The following CHRM3 variants were observed in gnomAD, a reference collection of about 807,000 sequenced individuals.
The protein encoded by CHRM3 is cholinergic receptor muscarinic 3, also known as muscarinic acetylcholine receptor M3.
In CHRM3, 11 loss-of-function variants were observed where a neutral mutation model predicts 41.8. The ratio of observed to expected loss-of-function variants is 0.26; its 90% CI spans 0.17 to 0.44. CHRM3 has a LOEUF of 0.44. Among genes scored for constraint, CHRM3 ranks in the 20% least tolerant of loss-of-function variants. The pLI is 1.00. For synonymous variants in CHRM3, 297 were observed against 301.4 expected (o/e 0.99, Z 0.15); for missense variants, 571 against 745.4 (o/e 0.77, Z 2.72).
At chr1:239,494,269 G>A (rs976091257) in intron 2 of CHRM3, among the ~76,000 whole-genome samples, 8 of 152,070 alleles carry the variant, frequency 5.3e-5, no homozygotes, top group Non-Finnish European at 1.2e-4. Flanking sequence ...AGCAGCTAGG[G>A]ATGGCTTTCA....
At chr1:239,573,985 T>C (rs1055582047) in intron 3 of CHRM3, among the ~76,000 whole-genome samples, 2 of 152,110 alleles carry the variant, frequency 1.3e-5, no homozygotes, top group African/African-American at 4.8e-5. Context: ...TCTGGTCTCT[T>C]GTCTCCTGAT....
chr1:239,860,976 TA>T (rs1285977501), intron 6 of CHRM3, among the ~76,000 whole-genome samples: 2 of 152,084 alleles, frequency 1.3e-5, no homozygotes, highest in Non-Finnish European at 2.9e-5. Flanking sequence ...ATTTAGAGGG[TA>T]AAAAAATTAA....
At chr1:239,645,852 G>A (rs1050043429) in intron 4 of CHRM3, among the ~76,000 whole-genome samples, 1 of 152,190 alleles carries the variant, frequency 6.6e-6, no homozygotes, top group Non-Finnish European at 1.5e-5. Context: ...AAGTTTGTAG[G>A]TGGTACTTTT....
intron 3 of CHRM3, among the ~76,000 whole-genome samples, chr1:239,617,025 T>C (rs1667705954): frequency 6.6e-6 from 1 of 152,012 alleles, no homozygotes; most frequent in Non-Finnish European, 1.5e-5. Context: ...TAATTTTGTT[T>C]CTTTCTGTAC....
intron 6 of CHRM3, among the ~76,000 whole-genome samples, chr1:239,895,756 G>T (rs1406850083): frequency 6.6e-6 from 1 of 152,172 alleles, no homozygotes; most frequent in Non-Finnish European, 1.5e-5. Flanking sequence ...TTATAAGTGG[G>T]AGCTGAGCAT....
rs146319477 is a variant in CHRM3 at position 239,766,298 on chromosome 1, C to T, written c.-146-60954C>T. On this transcript the variant is annotated intron_variant, in intron 5 of 6. Transcript: ENST00000676153. Reference sequence around the variant, plus strand: ...AAAACAAGAAGAAAAGCAGTCCATGCATCACAGTGCATTGTCACCAAGACT... The same window carrying T: ...AAAACAAGAAGAAAAGCAGTCCATGTATCACAGTGCATTGTCACCAAGACT... 3.4e-4 allele frequency among the ~76,000 whole-genome samples: 51 copies of T among 152,222 alleles called. No homozygotes were observed. The East Asian group carries it at 9.1e-3, about 27-fold the overall frequency.
intron 3 of CHRM3, among the ~76,000 whole-genome samples, chr1:239,609,256 CT>C (rs1666718059): frequency 6.6e-6 from 1 of 152,132 alleles, no homozygotes; most frequent in Non-Finnish European, 1.5e-5. Context: ...AAACTGTACT[CT>C]TTTTTGATCT....
intron 1 of CHRM3, among the ~76,000 whole-genome samples, chr1:239,421,235 T>G (rs1661931718): frequency 6.6e-6 from 1 of 152,206 alleles, no homozygotes; most frequent in Non-Finnish European, 1.5e-5. Context: ...AAAAAATTCT[T>G]TCTGATTTTA....
intron 3 of CHRM3, among the ~76,000 whole-genome samples, chr1:239,616,160 A>G (rs1361121058): frequency 2.0e-5 from 3 of 152,238 alleles, no homozygotes; most frequent in African/African-American, 7.2e-5. Context: ...GTTGAACTAT[A>G]CGAAATTGCT....
intron 5 of CHRM3, among the ~76,000 whole-genome samples, chr1:239,766,520 TTAAAA>T (rs1406516100): frequency 1.3e-5 from 2 of 152,142 alleles, no homozygotes; most frequent in Non-Finnish European, 1.5e-5. Context: ...ATCCCTGAAC[TTAAAA>T]TAAAAGCCCC....
At chr1:239,527,204 A>T (rs1006015412) in intron 2 of CHRM3, among the ~76,000 whole-genome samples, 2 of 152,172 alleles carry the variant, frequency 1.3e-5, no homozygotes, top group Non-Finnish European at 2.9e-5. Context: ...CCTACAAAAC[A>T]GTTACTGTAT....
intron 6 of CHRM3, among the ~76,000 whole-genome samples, chr1:239,867,417 G>T (rs932553945): frequency 1.3e-5 from 2 of 152,196 alleles, no homozygotes; most frequent in Non-Finnish European, 2.9e-5. Flanking sequence ...GCTGGGCCCG[G>T]TGGCTCACGC....
intron 5 of CHRM3, among the ~76,000 whole-genome samples, chr1:239,770,135 G>A (rs1384853341): frequency 6.6e-6 from 1 of 152,158 alleles, no homozygotes; most frequent in African/African-American, 2.4e-5. Flanking sequence ...CACAGTGCTT[G>A]GAGAGTACAG....
chr1:239,807,818 GCACA>G (rs57650107), intron 5 of CHRM3, among the ~76,000 whole-genome samples: 8,536 of 148,426 alleles, frequency 0.058, 640 homozygotes, highest in East Asian at 0.18. Flanking sequence ...TTTGCTTTGC[GCACA>G]CACACACACA....
chr1:239,400,208 C>T (rs1251729569), intron 1 of CHRM3, among the ~76,000 whole-genome samples: 4 of 152,168 alleles, frequency 2.6e-5, no homozygotes, highest in African/African-American at 7.2e-5. Context: ...GACTCTTGGC[C>T]GCTAGTTTTA....
intron 6 of CHRM3, among the ~76,000 whole-genome samples, chr1:239,832,988 A>G (rs1336343043): frequency 6.6e-6 from 1 of 152,024 alleles, no homozygotes; most frequent in Non-Finnish European, 1.5e-5. Flanking sequence ...TCCCAGCCTC[A>G]TTTTTCCCAG....
chr1:239,863,561 G>C (rs1296687978), intron 6 of CHRM3, among the ~76,000 whole-genome samples: 1 of 152,184 alleles, frequency 6.6e-6, no homozygotes, highest in Non-Finnish European at 1.5e-5. Context: ...CAGGGTAACA[G>C]ATAGAAAGGC....
At chr1:239,787,919 T>A (rs765469086) in intron 5 of CHRM3, among the ~76,000 whole-genome samples, 1 of 152,226 alleles carries the variant, frequency 6.6e-6, no homozygotes, top group Non-Finnish European at 1.5e-5. Flanking sequence ...ACTGTAATTG[T>A]TATTTCACTG....
At chr1:239,567,117 G>A (rs1314932648) in intron 3 of CHRM3, among the ~76,000 whole-genome samples, 2 of 151,984 alleles carry the variant, frequency 1.3e-5, no homozygotes, top group Non-Finnish European at 2.9e-5. Flanking sequence ...TTACCCTATT[G>A]AAAATGTTTA....
Sources: allele counts gnomAD v4.1 joint callset (sites outside exome capture counted in the v4.1 genomes callset), GRCh38; gene constraint gnomAD v4.1.1; transcripts MANE v1.5; gene names NCBI Gene and HGNC (gene_info 2026-07-23, HGNC 2026-07-21).